LRRK2: variants seen among roughly 807,000 people sequenced by gnomAD.
The protein encoded by LRRK2 is leucine-rich repeat serine/threonine-protein kinase 2.
LRRK2 carries 203 observed loss-of-function variants against 302.6 expected under a neutral mutation model. The ratio of observed to expected loss-of-function variants is 0.67; its 90% CI spans 0.60 to 0.75. The LOEUF (loss-of-function observed/expected upper bound fraction) is 0.75. Among genes scored for constraint, LRRK2 ranks in the 30% least tolerant of loss-of-function variants. The pLI is 0.00. For missense variants in LRRK2, 2,830 were observed against 2,951.0 expected (o/e 0.96, Z 0.95); for synonymous variants, 1,066 against 1,031.9 (o/e 1.03, Z -0.63).
chr12:40,351,709 A>C lies in LRRK2; in HGVS notation c.6552A>C (p.Leu2184Phe). The change falls in exon 44 of 51, where the codon TTA (leucine) becomes TTC (phenylalanine). Residue 2184 changes from leucine to phenylalanine, a missense_variant. Leu to Phe is a conservative substitution (Grantham distance 22). This residue lies in a region of LRRK2 where 456 missense variants were observed against 456.3 expected (regional missense o/e 1.00). Coordinates refer to ENST00000298910, the MANE Select transcript of LRRK2 (RefSeq NM_198578.4). ...GAGGACAGCTCTCATTTCTTGACTT[A>C]AATACTGAAGGATACACTTCTGAGG... is the stretch of plus-strand genomic sequence containing the variant. ...TDRGQLSFLD[L>F]NTEGYTSEEV... 6.2e-7 allele frequency: 1 copy of C among 1,614,206 alleles called. No homozygotes were observed. Among genetic ancestry groups the C allele is most frequent in the Non-Finnish European group, 8.5e-7 (1 of 1,180,026 alleles).
Position 40,278,012 on chromosome 12 carries a change from A to C in LRRK2, c.2066A>C (p.Gln689Pro). The change falls in exon 17 of 51, where the codon CAA becomes CCA. Residue 689 changes from glutamine (Q) to proline (P), a missense_variant. Gln to Pro is a moderately conservative substitution (Grantham distance 76). This residue lies in a region of LRRK2 where 2,121 missense variants were observed against 2,148.0 expected (regional missense o/e 0.99). Transcript: ENST00000298910. Reference protein sequence around the residue: ...MSSNIMEQKDQQFLNLCCKCF... With the variant: ...MSSNIMEQKDPQFLNLCCKCF... ...TCCAATATCATGGAACAAAAGGATC[A>C]ACAGGTACAGTGTTTTTCACTTGCA... is the stretch of plus-strand genomic sequence containing the variant. 6.2e-7 allele frequency: 1 copy of C among 1,613,864 alleles called. No homozygotes were observed. Among genetic ancestry groups the C allele is most frequent in the Non-Finnish European group, 8.5e-7 (1 of 1,179,972 alleles).
chr12:40,313,360 C>T (rs1249917023), intron 31 of LRRK2, among the ~76,000 whole-genome samples: 2 of 151,920 alleles, frequency 1.3e-5, no homozygotes, highest in Non-Finnish European at 2.9e-5. Flanking sequence ...ATTCTAAGAG[C>T]AACAGAACAA....
At chr12:40,235,596 T>G (rs1211668485) in intron 3 of LRRK2, 30 bp from the exon 4 acceptor site, 1 of 1,439,348 alleles carries the variant, frequency 6.9e-7, no homozygotes, top group Non-Finnish European at 9.8e-7. Context: ...GATATTTCAT[T>G]CTTATCTTGA....
chr12:40,344,104 A>T (rs75990432), intron 41 of LRRK2, among the ~76,000 whole-genome samples: 1 of 152,116 alleles, frequency 6.6e-6, no homozygotes, highest in African/African-American at 2.4e-5. Flanking sequence ...GTGAAAAAAA[A>T]TCCCAACCTT....
chr12:40,275,117 G>A (rs1180508401), intron 16 of LRRK2, 124 bp downstream of exon 16: 2 of 1,089,588 alleles, frequency 1.8e-6, no homozygotes, highest in African/African-American at 1.6e-5. Flanking sequence ...TTATCCTTTT[G>A]TAGTATTTTA....
At chr12:40,340,011 G>T (rs919270149) in intron 40 of LRRK2, among the ~76,000 whole-genome samples, 4 of 152,086 alleles carry the variant, frequency 2.6e-5, no homozygotes, top group Non-Finnish European at 5.9e-5. Flanking sequence ...ATATACAAAA[G>T]AAAAGTCTCC....
chr12:40,321,013 A>G (rs931829269), intron 34 of LRRK2, 21 bp from the exon 35 acceptor site: 3 of 1,612,004 alleles, frequency 1.9e-6, no homozygotes, highest in Non-Finnish European at 8.5e-7. Context: ...CTGTATAACC[A>G]TAGTGTCCTT....
At chr12:40,334,423 A>G (rs967733394) in intron 39 of LRRK2, among the ~76,000 whole-genome samples, 2 of 152,248 alleles carry the variant, frequency 1.3e-5, no homozygotes, top group African/African-American at 2.4e-5. Context: ...TCCCCAAAAA[A>G]CTGAACCACT....
At chr12:40,332,173 G>T (rs1350894474) in intron 39 of LRRK2, among the ~76,000 whole-genome samples, 1 of 152,196 alleles carries the variant, frequency 6.6e-6, no homozygotes, top group Non-Finnish European at 1.5e-5. Context: ...GGCCCTGAGG[G>T]TGCTGTTACT....
chr12:40,308,658 G>GA lies in LRRK2; in HGVS notation c.4154dup (p.Arg1386GlufsTer14). The GA allele has an allele frequency of 6.2e-7, 1 of 1,613,908 alleles. No homozygotes were observed. The highest frequency in any genetic ancestry group is 8.5e-7 in the Non-Finnish European group (1 of 1,179,910). ...TGGCCTATCCAAATAAGAGACAAAAGAAAGAGAGATCTCGTCCTAAATGTG... is the reference window on the plus strand; with the variant it reads ...TGGCCTATCCAAATAAGAGACAAAAGAAAAGAGAGATCTCGTCCTAAATGTG... On this transcript the variant is annotated frameshift_variant, in exon 29 of 51. Coordinates refer to ENST00000298910, the MANE Select transcript of LRRK2 (RefSeq NM_198578.4). LOFTEE classifies it high-confidence loss of function.
At chr12:40,255,923 G>T (rs17519629) in intron 11 of LRRK2, among the ~76,000 whole-genome samples, 1 of 152,132 alleles carries the variant, frequency 6.6e-6, no homozygotes, top group East Asian at 1.9e-4. Flanking sequence ...ATGTGTATGT[G>T]ATTTCTATTT....
At chr12:40,313,836 T>C (rs1382249063) in intron 31 of LRRK2, 136 bp from the exon 32 acceptor site, 2 of 679,666 alleles carry the variant, frequency 2.9e-6, no homozygotes, top group Non-Finnish European at 4.9e-6. Flanking sequence ...TTTTATTATA[T>C]TTTGATTTTA....
chr12:40,337,308 C>T (rs537902497), intron 40 of LRRK2, among the ~76,000 whole-genome samples: 2 of 152,334 alleles, frequency 1.3e-5, no homozygotes, highest in Non-Finnish European at 2.9e-5. Context: ...CTTCCTCCAT[C>T]TTGCTTTTAA....
At chr12:40,276,492 C>T (rs375645294) in intron 16 of LRRK2, among the ~76,000 whole-genome samples, 4 of 152,154 alleles carry the variant, frequency 2.6e-5, no homozygotes, top group South Asian at 2.1e-4. Flanking sequence ...GATGGGGTTT[C>T]GCCGTGTTGG....
At chr12:40,323,121 A>T (rs17466423) in intron 37 of LRRK2, 39 bp from the exon 38 acceptor site, 9 of 1,570,458 alleles carry the variant, frequency 5.7e-6, no homozygotes, top group Non-Finnish European at 7.9e-6. Context: ...ATCTCCTTAA[A>T]TGTTGTTTTT....
chr12:40,297,762 C>T (rs1944436348), intron 23 of LRRK2, among the ~76,000 whole-genome samples: 1 of 151,746 alleles, frequency 6.6e-6, no homozygotes. Flanking sequence ...AAATTTGAAA[C>T]AAAAAGTTTC....
At chr12:40,301,376 A>C (rs879799651) in intron 25 of LRRK2, among the ~76,000 whole-genome samples, 1 of 152,090 alleles carries the variant, frequency 6.6e-6, no homozygotes. Flanking sequence ...GTGAGTGGAG[A>C]TCAGGCCACA....
At chr12:40,249,021 G>A (rs1370123101) in intron 7 of LRRK2, among the ~76,000 whole-genome samples, 2 of 152,070 alleles carry the variant, frequency 1.3e-5, no homozygotes, top group Non-Finnish European at 2.9e-5. Context: ...TATTTAGTTT[G>A]GGCTTTAGGT....
rs1209889977 is a variant in LRRK2 at position 40,257,360 on chromosome 12, T to A, written c.1401T>A (p.Asn467Lys). Residue 467 changes from asparagine to lysine, a missense_variant, in exon 12 of 51, where the codon AAT (asparagine) becomes AAA (lysine). Around this residue, in one of 3 missense-constraint regions of LRRK2, gnomAD observed 2,121 missense variants for 2,148.0 expected, o/e 0.99. Transcript: ENST00000298910. The part of the protein sequence containing the change: ...EVAESGCKML[N>K]HLFEGSNTSL... Reference sequence around the variant, plus strand: ...CTGAAAGTGGCTGTAAAATGCTAAATCATCTTTTTGAAGGAAGGTAATATA... The same window carrying A: ...CTGAAAGTGGCTGTAAAATGCTAAAACATCTTTTTGAAGGAAGGTAATATA... 1 of 1,612,726 alleles carries A rather than the reference T, an allele frequency of 6.2e-7. No homozygotes were observed. The highest frequency in any genetic ancestry group is 1.7e-5 in the Admixed American group (1 of 59,952).
Sources: allele counts gnomAD v4.1 joint callset (sites outside exome capture counted in the v4.1 genomes callset), GRCh38; gene constraint gnomAD v4.1.1; regional missense constraint gnomAD v4.1.1; transcripts MANE v1.5; gene names NCBI Gene and HGNC (gene_info 2026-07-23, HGNC 2026-07-21).